DAB1: variants seen among roughly 807,000 people sequenced by gnomAD.
DAB1 encodes DAB adaptor protein 1, also known as disabled homolog 1.
A neutral mutation model predicts 64.6 loss-of-function variants in DAB1; 15 were observed. The observed-to-expected ratio is 0.23, with a 90% CI of 0.16 to 0.36. DAB1 has a LOEUF of 0.36. Among genes scored for constraint, DAB1 ranks in the 10% least tolerant of loss-of-function variants. The probability of loss-of-function intolerance (pLI) is 1.00; values close to 1 mark genes in which losing one functional copy is unlikely to be tolerated. For missense variants in DAB1, 596 were observed against 706.7 expected (o/e 0.84, Z 1.78); for synonymous variants, 235 against 251.9 (o/e 0.93, Z 0.64).
At chr1:57,656,469 A>G (rs1646320180) in intron 6 of DAB1, among the ~76,000 whole-genome samples, 1 of 152,234 alleles carries the variant, frequency 6.6e-6, no homozygotes. Context: ...CAACAACCTA[A>G]TATTTGGTCT....
chr1:57,687,204 T>C (rs1008222151), intron 6 of DAB1, among the ~76,000 whole-genome samples: 2 of 152,118 alleles, frequency 1.3e-5, no homozygotes, highest in African/African-American at 4.8e-5. Flanking sequence ...AGTTTTGGGA[T>C]ACAAAATCAG....
chr1:58,393,988 T>A (rs112737401), intron 3 of DAB1, among the ~76,000 whole-genome samples: 3,656 of 152,214 alleles, frequency 0.024, 68 homozygotes, highest in South Asian at 0.066. Flanking sequence ...CATAAATATA[T>A]GTAATTATTA....
intron 6 of DAB1, among the ~76,000 whole-genome samples, chr1:57,657,219 C>T (rs1646329431): frequency 6.6e-6 from 1 of 152,144 alleles, no homozygotes; most frequent in African/African-American, 2.4e-5. Flanking sequence ...ATGAGAGCCA[C>T]CATATGTAAA....
chr1:58,178,831 G>T (rs190007185), intron 4 of DAB1, among the ~76,000 whole-genome samples: 96 of 152,176 alleles, frequency 6.3e-4, no homozygotes, highest in African/African-American at 2.2e-3. Context: ...CCAATTCCTG[G>T]CTAGAATCTC....
chr1:57,247,749 T>G (rs1007229016), intron 2 of DAB1, among the ~76,000 whole-genome samples: 1 of 152,172 alleles, frequency 6.6e-6, no homozygotes, highest in African/African-American at 2.4e-5. Flanking sequence ...GTAGAAGTGA[T>G]GAGTGTAACT....
chr1:58,525,323 T>A (rs1557453376), intron 2 of DAB1, among the ~76,000 whole-genome samples: 1 of 137,230 alleles, frequency 7.3e-6, no homozygotes. Context: ...ATCCTATGTA[T>A]AAGTGGATCT....
chr1:57,147,816 G>A (rs577522800), intron 2 of DAB1, among the ~76,000 whole-genome samples: 16 of 152,224 alleles, frequency 1.1e-4, no homozygotes, highest in African/African-American at 3.4e-4. Flanking sequence ...AGGTAGGTAC[G>A]AGTATTCAGG....
intron 4 of DAB1, among the ~76,000 whole-genome samples, chr1:58,247,719 G>A (rs550142901): frequency 6.6e-6 from 1 of 151,972 alleles, no homozygotes; most frequent in African/African-American, 2.4e-5. Context: ...TCCCTCTTAG[G>A]GCTAGTATTT....
intron 3 of DAB1, among the ~76,000 whole-genome samples, chr1:58,381,962 C>T (rs1034485670): frequency 1.7e-5 from 2 of 120,622 alleles, no homozygotes; most frequent in African/African-American, 6.3e-5. Context: ...AGAAGTGAGA[C>T]TGAATGACAC....
At chr1:58,137,956 T>C (rs937605058) in intron 5 of DAB1, among the ~76,000 whole-genome samples, 13 of 152,212 alleles carry the variant, frequency 8.5e-5, no homozygotes, top group South Asian at 4.1e-4. Flanking sequence ...TGGGAAGGTC[T>C]GACATTTGAG....
chr1:58,057,418 T>G (rs1648196609), intron 5 of DAB1, among the ~76,000 whole-genome samples: 1 of 151,972 alleles, frequency 6.6e-6, no homozygotes, highest in Non-Finnish European at 1.5e-5. Context: ...TTAGGGTGAG[T>G]CTAATCCTAT....
chr1:58,364,198 C>G (rs558286261), intron 3 of DAB1, among the ~76,000 whole-genome samples: 1 of 152,178 alleles, frequency 6.6e-6, no homozygotes, highest in East Asian at 1.9e-4. Flanking sequence ...AGGAGGGAAG[C>G]CTGTCCCATC....
At chr1:58,007,161 A>C (rs1646596944) in intron 5 of DAB1, among the ~76,000 whole-genome samples, 1 of 152,180 alleles carries the variant, frequency 6.6e-6, no homozygotes, top group African/African-American at 2.4e-5. Flanking sequence ...AGTTACTGGC[A>C]AATCCAGAAA....
intron 1 of DAB1, among the ~76,000 whole-genome samples, chr1:57,305,359 C>G (rs1674047291): frequency 6.6e-6 from 1 of 152,228 alleles, no homozygotes; most frequent in African/African-American, 2.4e-5. Context: ...AATACAGAGA[C>G]TTTTCTCTCC....
At chr1:57,140,671 T>C (rs765276049) in intron 3 of DAB1, among the ~76,000 whole-genome samples, 1 of 152,186 alleles carries the variant, frequency 6.6e-6, no homozygotes, top group Non-Finnish European at 1.5e-5. Flanking sequence ...TTAAGCAAAC[T>C]ATGCATCTAC....
At chr1:57,273,522 ACTGCCTGCCTGCCTGCCTGC>A (rs1261991604) in intron 2 of DAB1, among the ~76,000 whole-genome samples, 2 of 96,900 alleles carry the variant, frequency 2.1e-5, no homozygotes, top group African/African-American at 4.6e-5. Context: ...ACCAAGCCTG[ACTGCCTGCCTGCCTGCCTGC>A]CTGCCTGCCT....
intron 7 of DAB1, among the ~76,000 whole-genome samples, chr1:57,478,075 C>A (rs139520419): frequency 2.0e-5 from 3 of 147,548 alleles, no homozygotes; most frequent in African/African-American, 7.5e-5. Flanking sequence ...ACAACAGGCC[C>A]GGGTGTGTGA....
chr1:57,620,233 C>G (rs1400376715), intron 7 of DAB1, among the ~76,000 whole-genome samples: 1 of 152,054 alleles, frequency 6.6e-6, no homozygotes, highest in Admixed American at 6.6e-5. Flanking sequence ...GGGGTCTGGG[C>G]TTTCCACAGG....
intron 4 of DAB1, among the ~76,000 whole-genome samples, chr1:57,099,506 A>G (rs1231328058): frequency 6.6e-6 from 1 of 152,204 alleles, no homozygotes; most frequent in Non-Finnish European, 1.5e-5. Context: ...TAGGTAATAT[A>G]GCTGTAGTTC....
Sources: allele counts gnomAD v4.1 joint callset (sites outside exome capture counted in the v4.1 genomes callset), GRCh38; gene constraint gnomAD v4.1.1; transcripts MANE v1.5; gene names NCBI Gene and HGNC (gene_info 2026-07-23, HGNC 2026-07-21).